WWOX: variants seen among roughly 807,000 people sequenced by gnomAD.
The protein encoded by WWOX is WW domain containing oxidoreductase.
WWOX carries 69 observed loss-of-function variants against 46.2 expected under a neutral mutation model. The observed-to-expected ratio is 1.49, with a 90% confidence interval of 1.23 to 1.82. The LOEUF is 1.82. WWOX is among the 40% of genes most tolerant of loss of function. The pLI, the probability that WWOX is intolerant of heterozygous loss-of-function variation, is 0.00. For missense variants in WWOX, 919 were observed against 542.6 expected (o/e 1.69, Z -6.89); for synonymous variants, 359 against 202.6 (o/e 1.77, Z -6.56).
At chr16:78,545,447 G>T (rs1167022499) in intron 8 of WWOX, among the ~76,000 whole-genome samples, 1 of 152,142 alleles carries the variant, frequency 6.6e-6, no homozygotes, top group African/African-American at 2.4e-5. Flanking sequence ...CAAAGTCCTG[G>T]GATGAAGAGC....
chr16:78,715,819 A>G (rs552383170), intron 8 of WWOX, among the ~76,000 whole-genome samples: 1 of 152,140 alleles, frequency 6.6e-6, no homozygotes, highest in South Asian at 2.1e-4. Context: ...CTTTTCTAGA[A>G]TCTATCAACT....
intron 5 of WWOX, among the ~76,000 whole-genome samples, chr16:78,273,118 C>T (rs911165006): frequency 2.0e-5 from 3 of 152,186 alleles, no homozygotes; most frequent in Non-Finnish European, 4.4e-5. Context: ...AGTCTTTTAG[C>T]TGTTTCTTCA....
At chr16:78,231,243 A>G (rs1382094045) in intron 5 of WWOX, among the ~76,000 whole-genome samples, 1 of 152,138 alleles carries the variant, frequency 6.6e-6, no homozygotes, top group South Asian at 2.1e-4. Context: ...AAACTCTTTT[A>G]TGGATTTTAC....
intron 8 of WWOX, among the ~76,000 whole-genome samples, chr16:78,604,655 T>G (rs1444324921): frequency 1.5e-5 from 2 of 129,412 alleles, no homozygotes; most frequent in African/African-American, 5.9e-5. Flanking sequence ...TTAAAAAAGA[T>G]TCCTTCCTTC....
At chr16:78,534,130 C>T (rs1169805999) in intron 8 of WWOX, among the ~76,000 whole-genome samples, 2 of 152,086 alleles carry the variant, frequency 1.3e-5, no homozygotes, top group African/African-American at 4.8e-5. Context: ...ATTAATAGCG[C>T]TATCTGGCTA....
At chr16:78,492,276 C>T (rs2859634) in intron 8 of WWOX, among the ~76,000 whole-genome samples, 3 of 152,186 alleles carry the variant, frequency 2.0e-5, no homozygotes, top group East Asian at 1.9e-4. Context: ...ATTCCGAAGG[C>T]GGGTGTGTAT....
chr16:78,466,768 A>T (rs898533560), intron 8 of WWOX, among the ~76,000 whole-genome samples: 2 of 152,220 alleles, frequency 1.3e-5, no homozygotes, highest in Non-Finnish European at 2.9e-5. Context: ...GAATCACTTG[A>T]ACCCGAGAGG....
chr16:78,353,341 C>A (rs552185410), intron 5 of WWOX, among the ~76,000 whole-genome samples: 1 of 152,254 alleles, frequency 6.6e-6, no homozygotes, highest in African/African-American at 2.4e-5. Flanking sequence ...AAATATTGGC[C>A]AGAAGCTATG....
intron 8 of WWOX, among the ~76,000 whole-genome samples, chr16:79,090,320 A>G (rs1316931088): frequency 5.9e-5 from 7 of 118,672 alleles, no homozygotes; most frequent in Admixed American, 1.7e-4. Flanking sequence ...TGTGTGTGTG[A>G]TATAATGTGT....
At chr16:78,474,831 A>G (rs536872144) in intron 8 of WWOX, among the ~76,000 whole-genome samples, 1 of 152,096 alleles carries the variant, frequency 6.6e-6, no homozygotes, top group Non-Finnish European at 1.5e-5. Context: ...GGCTCACACG[A>G]TATGTGGTTC....
chr16:78,947,280 C>T (rs1296006354), intron 8 of WWOX, among the ~76,000 whole-genome samples: 1 of 152,144 alleles, frequency 6.6e-6, no homozygotes, highest in Non-Finnish European at 1.5e-5. Flanking sequence ...ATTTTTAACT[C>T]CCTGTTTCTG....
At chr16:78,312,962 C>T (rs1426337003) in intron 5 of WWOX, among the ~76,000 whole-genome samples, 11 of 152,270 alleles carry the variant, frequency 7.2e-5, no homozygotes, top group Non-Finnish European at 8.8e-5. Context: ...GCCTGGTGTA[C>T]AGGAGGGTTA....
chr16:78,693,472 AC>A (rs1238860484), intron 8 of WWOX, among the ~76,000 whole-genome samples: 1 of 152,132 alleles, frequency 6.6e-6, no homozygotes, highest in African/African-American at 2.4e-5. Context: ...ATTTTTTTCC[AC>A]ATAATCCCTA....
Position 78,438,367 on chromosome 16 carries a change from C to A in WWOX, c.1056+5615C>A, listed in dbSNP as rs2083377507. Among the ~76,000 whole-genome samples the A allele has an allele frequency of 2.6e-5, 4 of 152,140 alleles. No individual in the cohort carries two copies. In the South Asian group the frequency reaches 8.3e-4, roughly 32 times the overall value. On this transcript the variant is annotated intron_variant, in intron 8 of 8. Coordinates refer to ENST00000566780, the MANE Select transcript of WWOX (RefSeq NM_016373.4). ...GTCCAATGCACGGTAATGCCCCTGGCATCCATATCTAGTTATGCAGTTATG... is the reference window on the plus strand; with the variant it reads ...GTCCAATGCACGGTAATGCCCCTGGAATCCATATCTAGTTATGCAGTTATG...
At chr16:78,301,474 C>T (rs1432349114) in intron 5 of WWOX, among the ~76,000 whole-genome samples, 1 of 151,760 alleles carries the variant, frequency 6.6e-6, no homozygotes, top group Non-Finnish European at 1.5e-5. Context: ...TTTTGTTGTA[C>T]CTTTATGAAT....
chr16:78,486,940 C>A (rs1344248099), intron 8 of WWOX, among the ~76,000 whole-genome samples: 1 of 152,174 alleles, frequency 6.6e-6, no homozygotes, highest in Non-Finnish European at 1.5e-5. Context: ...AATGCAGGCT[C>A]ATTCCTAACA....
chr16:78,391,901 T>G (rs1365637464), intron 6 of WWOX, among the ~76,000 whole-genome samples: 1 of 152,014 alleles, frequency 6.6e-6, no homozygotes, highest in East Asian at 1.9e-4. Context: ...CTTTTGTGCC[T>G]CCTCTTTTCC....
intron 8 of WWOX, among the ~76,000 whole-genome samples, chr16:78,997,656 C>T (rs776919934): frequency 1.3e-5 from 2 of 152,110 alleles, no homozygotes; most frequent in Non-Finnish European, 2.9e-5. Context: ...TTTCCTCCCT[C>T]CCTGTCTCTC....
chr16:78,417,073 T>C (rs2082815208), intron 6 of WWOX, among the ~76,000 whole-genome samples: 1 of 136,050 alleles, frequency 7.4e-6, no homozygotes, highest in Non-Finnish European at 1.5e-5. Flanking sequence ...ATATTAGCTT[T>C]TTTTTCATTT....
Sources: allele counts gnomAD v4.1 joint callset (sites outside exome capture counted in the v4.1 genomes callset), GRCh38; gene constraint gnomAD v4.1.1; transcripts MANE v1.5; gene names NCBI Gene and HGNC (gene_info 2026-07-23, HGNC 2026-07-21).